The following RTF1 variants were observed in gnomAD, a reference collection of about 807,000 sequenced individuals.
RTF1 encodes RTF1 homolog, Paf1/RNA polymerase II complex component, also known as RNA polymerase-associated protein RTF1 homolog.
RTF1 carries 10 observed loss-of-function variants against 95.7 expected under a neutral mutation model. The observed-to-expected ratio is 0.10, with a 90% CI of 0.06 to 0.18. The LOEUF (loss-of-function observed/expected upper bound fraction) is 0.18. Among genes scored for constraint, RTF1 ranks in the 10% least tolerant of loss-of-function variants. The pLI, the probability that RTF1 is intolerant of heterozygous loss-of-function variation, is 1.00. For missense variants in RTF1, 458 were observed against 875.6 expected, an observed-to-expected ratio of 0.52 and a Z score of 6.02; for synonymous variants, 305 against 311.8, an observed-to-expected ratio of 0.98 and a Z score of 0.23.
At chr15:41,478,014 G>A (rs2050950733) in intron 14 of RTF1, among the ~76,000 whole-genome samples, 1 of 152,180 alleles carries the variant, frequency 6.6e-6, no homozygotes, top group Non-Finnish European at 1.5e-5. Context: ...GCTGAGGCAC[G>A]AGAATCACTT....
At chr15:41,455,196 C>A (rs948123428) in intron 3 of RTF1, among the ~76,000 whole-genome samples, 7 of 151,866 alleles carry the variant, frequency 4.6e-5, no homozygotes, top group African/African-American at 1.5e-4. Flanking sequence ...TACCTGTAAT[C>A]CCTAATACTC....
At chr15:41,458,942 C>T (rs1372608252) in intron 4 of RTF1, among the ~76,000 whole-genome samples, 1 of 151,588 alleles carries the variant, frequency 6.6e-6, no homozygotes, top group East Asian at 1.9e-4. Flanking sequence ...CATGGTCGTA[C>T]GCATCTGTAA....
At chr15:41,441,424 G>A (rs796597109) in intron 2 of RTF1, among the ~76,000 whole-genome samples, 5 of 152,280 alleles carry the variant, frequency 3.3e-5, no homozygotes, top group African/African-American at 1.2e-4. Flanking sequence ...TATTCCTTAA[G>A]ATACAAGCAG....
intron 2 of RTF1, among the ~76,000 whole-genome samples, chr15:41,450,581 T>A (rs1482540987): frequency 6.9e-6 from 1 of 144,036 alleles, no homozygotes; most frequent in African/African-American, 2.6e-5. Flanking sequence ...TGAGACTCCG[T>A]CTCAAAAAAA....
intron 9 of RTF1, among the ~76,000 whole-genome samples, chr15:41,475,230 C>G (rs904547162): frequency 1.4e-4 from 22 of 152,238 alleles, no homozygotes; most frequent in Non-Finnish European, 3.1e-4. Context: ...GCTGTGACCA[C>G]AGGCATGTAA....
At chr15:41,446,185 A>G (rs2050760716) in intron 2 of RTF1, among the ~76,000 whole-genome samples, 1 of 152,158 alleles carries the variant, frequency 6.6e-6, no homozygotes, top group Non-Finnish European at 1.5e-5. Context: ...TCAGAATAAC[A>G]TTCAGTTCAT....
At position 41,480,106 on chromosome 15, in the gene RTF1, G is replaced by GA. The variant is rs2050963933; in HGVS notation, c.1915-104dup. On this transcript the variant is annotated intron_variant, in intron 16 of 17. Coordinates refer to ENST00000389629, the MANE Select transcript of RTF1 (RefSeq NM_015138.5). ...AGGAATCAGAAAGGGGCCTTAGTAG[G>GA]AAAATCTAATGAACTCAAATAAGAG... The GA allele has an allele frequency of 2.7e-5, 19 of 706,696 alleles. No homozygotes were observed. In the Admixed American group the frequency reaches 4.3e-4, roughly 16 times the overall value. 43.8% of individuals were successfully genotyped at this position (706,696 alleles called of 1,614,324 possible).
intron 1 of RTF1, among the ~76,000 whole-genome samples, chr15:41,426,527 G>A (rs1311226844): frequency 1.3e-5 from 2 of 151,680 alleles, no homozygotes; most frequent in Non-Finnish European, 2.9e-5. Context: ...GGCTGATCTC[G>A]AACTCCAGAC....
chr15:41,476,396 C>CA (rs757130499), intron 11 of RTF1, 50 bp from the exon 12 acceptor site: 1 of 1,542,422 alleles, frequency 6.5e-7, no homozygotes, highest in Non-Finnish European at 9.0e-7. Context: ...AGCCTGTCTA[C>CA]AAAAATAGCT....
intron 4 of RTF1, among the ~76,000 whole-genome samples, chr15:41,461,372 G>C (rs933033460): frequency 2.0e-5 from 3 of 151,854 alleles, no homozygotes; most frequent in African/African-American, 7.3e-5. Context: ...AGTAGAGACA[G>C]GGTTTCACTA....
intron 1 of RTF1, among the ~76,000 whole-genome samples, chr15:41,433,211 A>G (rs879863103): frequency 6.6e-5 from 10 of 152,096 alleles, no homozygotes; most frequent in African/African-American, 1.4e-4. Context: ...TCACTCCACT[A>G]TACTCCAGCC....
intron 1 of RTF1, among the ~76,000 whole-genome samples, chr15:41,418,486 C>A (rs759858245): frequency 3.3e-5 from 5 of 152,082 alleles, no homozygotes; most frequent in Non-Finnish European, 7.4e-5. Context: ...TGAATGGCTT[C>A]TTGGGGGTCT....
At chr15:41,450,529 G>A (rs1408785527) in intron 2 of RTF1, among the ~76,000 whole-genome samples, 1 of 150,996 alleles carries the variant, frequency 6.6e-6, no homozygotes, top group East Asian at 1.9e-4. Context: ...AGCTTGCAGT[G>A]AGCCAAGATT....
intron 5 of RTF1, among the ~76,000 whole-genome samples, chr15:41,465,319 C>A (rs961248423): frequency 6.6e-6 from 1 of 152,038 alleles, no homozygotes; most frequent in Non-Finnish European, 1.5e-5. Flanking sequence ...CATATGCTAC[C>A]GTGCCCGGCT....
At chr15:41,461,579 G>A (rs1022218848) in intron 4 of RTF1, among the ~76,000 whole-genome samples, 37 of 150,574 alleles carry the variant, frequency 2.5e-4, no homozygotes, top group Admixed American at 2.1e-3. Context: ...TGCAAGCTCC[G>A]CTTCCCGGGT....
At chr15:41,478,506 G>A in intron 14 of RTF1, 42 bp from the exon 15 acceptor site, 1 of 1,477,596 alleles carries the variant, frequency 6.8e-7, no homozygotes, top group Non-Finnish European at 9.5e-7. Flanking sequence ...ATGAGAGGAG[G>A]GGCTGGAGGT....
intron 2 of RTF1, chr15:41,448,730 C>T (rs1171726026): frequency 6.6e-6 from 1 of 151,724 alleles, no homozygotes. Flanking sequence ...AAAAACAAAA[C>T]AAAACAAAAC....
At chr15:41,454,671 A>G (rs538523130) in intron 3 of RTF1, among the ~76,000 whole-genome samples, 1 of 152,316 alleles carries the variant, frequency 6.6e-6, no homozygotes, top group South Asian at 2.1e-4. Flanking sequence ...TAATGGGACA[A>G]ACAGATGTTA....
At chr15:41,462,268 G>A (rs139618858) in intron 4 of RTF1, among the ~76,000 whole-genome samples, 1 of 152,140 alleles carries the variant, frequency 6.6e-6, no homozygotes, top group Middle Eastern at 3.4e-3. Context: ...TTTTATGTAA[G>A]CACCATTAGC....
Sources: allele counts gnomAD v4.1 joint callset (sites outside exome capture counted in the v4.1 genomes callset), GRCh38; gene constraint gnomAD v4.1.1; transcripts MANE v1.5; gene names NCBI Gene and HGNC (gene_info 2026-07-23, HGNC 2026-07-21).